The following C8orf33 variants were observed in gnomAD, a reference collection of about 807,000 sequenced individuals.
The protein encoded by C8orf33 is UPF0488 protein C8orf33.
Under a neutral mutation model 25.7 loss-of-function variants are expected in C8orf33, and 28 were observed. The ratio of observed to expected loss-of-function variants is 1.09; its 90% CI spans 0.81 to 1.49. The LOEUF (loss-of-function observed/expected upper bound fraction) is 1.49. Ranked by LOEUF, C8orf33 falls within the 40% of genes most tolerant of loss-of-function variation. The probability of loss-of-function intolerance (pLI) is 0.00; values close to 1 mark genes in which losing one functional copy is unlikely to be tolerated. For synonymous variants in C8orf33, 153 were observed against 115.9 expected (o/e 1.32, Z -2.06); for missense variants, 369 against 294.4 (o/e 1.25, Z -1.85).
At chr8:145,052,535 T>A (rs372741321) in intron 1 of C8orf33, 38 bp downstream of exon 1, 1 of 1,600,720 alleles carries the variant, frequency 6.2e-7, no homozygotes, top group Non-Finnish European at 8.5e-7. Context: ...TGGCTGGGCC[T>A]TGCATTGTTG....
rs772217850 is a variant in C8orf33 at position 145,052,639 on chromosome 8, C to T, written c.60C>T (p.Pro20=). The T allele has an allele frequency of 6.2e-7, 1 of 1,612,146 alleles. No homozygotes were observed. Among genetic ancestry groups the T allele is most frequent in the Non-Finnish European group, 8.5e-7 (1 of 1,179,954 alleles). ...CGGCGGCCCCAGGCCCGGGTACTCC[C>T]TGCGCGTCCCGCGGAGCCCGGCTTC... ...EAAAAPGPGT[P]CASRGARLPG... is the part of the protein sequence containing the mutation. The change falls in exon 2 of 5, where the codon CCC becomes CCT. Residue 20 remains proline, a synonymous_variant. Coordinates refer to ENST00000331434, the MANE Select transcript of C8orf33 (RefSeq NM_023080.3).
At position 145,055,572 on chromosome 8, in the gene C8orf33, G is replaced by C. The variant is rs1363584541; in HGVS notation, c.*1415G>C. On this transcript the variant is annotated 3_prime_UTR_variant, in exon 5 of 5. Coordinates refer to ENST00000331434, the MANE Select transcript of C8orf33 (RefSeq NM_023080.3). ...AAAAGGAGCCTCCCTTTCCCCGGGG[G>C]AGTTTAGAGAAGACTACTCCTCCAC... 6.2e-6 allele frequency: 1 copy of C among 162,538 alleles called. No homozygotes were observed. Among genetic ancestry groups the C allele is most frequent in the African/African-American group, 2.4e-5 (1 of 40,994 alleles). The allele number at this position is 162,538 out of a possible 1,614,324, so 10.1% of individuals were successfully genotyped here.
At chr8:145,052,999 A>T (rs963699263) in intron 2 of C8orf33, 63 bp from the exon 3 acceptor site, 9 of 1,609,920 alleles carry the variant, frequency 5.6e-6, no homozygotes, top group Admixed American at 3.4e-5. Context: ...GGGGCATGGG[A>T]TGGGGCCGGC....
At position 145,054,705 on chromosome 8, in the gene C8orf33, T is replaced by TA. The variant is rs1835333068; in HGVS notation, c.*549dup. 6.5e-6 allele frequency: 1 copy of TA among 152,872 alleles called. No homozygotes were observed. The allele number at this position is 152,872 out of a possible 1,614,324, so 9.5% of individuals were successfully genotyped here. Reference sequence around the variant, plus strand: ...TCCCTGGGTCCAGTCCCTCACCTGGTACCTTTGTGCATGTTGCCTTCATTC... The same window carrying TA: ...TCCCTGGGTCCAGTCCCTCACCTGGTAACCTTTGTGCATGTTGCCTTCATTC... On this transcript the variant is annotated 3_prime_UTR_variant, in exon 5 of 5. Transcript: ENST00000331434.
Position 145,054,041 on chromosome 8 carries a change from C to T in C8orf33, c.574C>T (p.Pro192Ser), listed in dbSNP as rs1439335222. 3 of 1,614,006 alleles carry T rather than the reference C, an allele frequency of 1.9e-6. No individual in the cohort carries two copies. The highest frequency in any genetic ancestry group is 1.6e-4 in the Middle Eastern group (1 of 6,084). The change falls in exon 5 of 5, where the codon CCT becomes TCT. Residue 192 changes from proline (P) to serine (S), a missense_variant. Physicochemically the swap from Pro to Ser is moderately conservative, Grantham distance 74. Transcript: ENST00000331434. Reference sequence around the variant, plus strand: ...AGCTGCTTATTCAGCCCAGGTGCAACCTGTAGATGGAGCCACCAGAAAGAA... The same window carrying T: ...AGCTGCTTATTCAGCCCAGGTGCAATCTGTAGATGGAGCCACCAGAAAGAA... ...RAAAYSAQVQ[P>S]VDGATRKKSQ...
In C8orf33 at chr8:145,054,185, C is replaced by G. The variant is rs199770781; in HGVS notation, c.*28C>G. On this transcript the variant is annotated 3_prime_UTR_variant, in exon 5 of 5. Transcript: ENST00000331434. Reference sequence around the variant, plus strand: ...TCTCCCCGAACCTGAAACAATCCCCCTCCCTTGGGGTGGTGTAGGGGTTTG... The same window carrying G: ...TCTCCCCGAACCTGAAACAATCCCCGTCCCTTGGGGTGGTGTAGGGGTTTG... 2.6e-4 allele frequency: 412 copies of G among 1,612,330 alleles called. 1 individual carries two copies. The highest frequency in any genetic ancestry group is 2.4e-3 in the African/African-American group (179 of 74,976).
chr8:145,052,540 T>C lies in C8orf33; in HGVS notation c.6+43T>C, dbSNP rs1487251371. ...GACGCGCGGGTGGCTGGGCCTTGCA[T>C]TGTTGGCGGCTCTCGGTGACCCTCG... is the stretch of plus-strand genomic sequence containing the variant. On this transcript the variant is annotated intron_variant, in intron 1 of 4. Coordinates refer to ENST00000331434, the MANE Select transcript of C8orf33 (RefSeq NM_023080.3). 5 of 1,600,902 alleles carry C rather than the reference T, an allele frequency of 3.1e-6. No homozygotes were observed. In the South Asian group the frequency reaches 4.4e-5, roughly 14 times the overall value.
At position 145,054,763 on chromosome 8, in the gene C8orf33, G is replaced by A. The variant is rs1319107333; in HGVS notation, c.*606G>A. ...GGTATCATCCTCAGGGAACCAGCAT[G>A]GCACCTACCAGGCCAGGCTCTGTTC... On this transcript the variant is annotated 3_prime_UTR_variant, in exon 5 of 5. Coordinates refer to ENST00000331434, the MANE Select transcript of C8orf33 (RefSeq NM_023080.3). The A allele has an allele frequency of 6.6e-6, 1 of 152,362 alleles. No individual in the cohort carries two copies. The highest frequency in any genetic ancestry group is 1.5e-5 in the Non-Finnish European group (1 of 68,210). 9.4% of individuals were successfully genotyped at this position (152,362 alleles called of 1,614,324 possible). A position where few individuals can be genotyped will look rare whatever the true frequency, so the allele number is the denominator to read the frequency against.
rs746484373 is a variant in C8orf33 at position 145,053,155 on chromosome 8, C to T, written c.403+9C>T. 22 of 1,614,024 alleles carry T rather than the reference C, an allele frequency of 1.4e-5. No individual in the cohort carries two copies. The highest frequency in any genetic ancestry group is 6.8e-6 in the Non-Finnish European group (8 of 1,179,998). ...ACCCACCCCGAAACAGAGTAAGGGACCCTTCTGTAGAGCTGGGGGATGTGA... is the reference window on the plus strand; with the variant it reads ...ACCCACCCCGAAACAGAGTAAGGGATCCTTCTGTAGAGCTGGGGGATGTGA... On this transcript the variant is annotated intron_variant, in intron 3 of 4. Coordinates refer to ENST00000331434, the MANE Select transcript of C8orf33 (RefSeq NM_023080.3).
chr8:145,053,302 C>T lies in C8orf33; in HGVS notation c.409C>T (p.Gln137Ter). 3 of 1,613,968 alleles carry T rather than the reference C, an allele frequency of 1.9e-6. No homozygotes were observed. Among genetic ancestry groups the T allele is most frequent in the Non-Finnish European group, 2.5e-6 (3 of 1,179,914 alleles). Residue 137 changes from glutamine to a stop codon, truncating the protein, a stop_gained, in exon 4 of 5, where the codon CAG (glutamine) becomes TAG (stop). Transcript: ENST00000331434. LOFTEE classifies it high-confidence loss of function. ...TCCTTTATTTTTATTCGCAGAAGAG[C>T]AGGCTATTGGAGCAATCCGAACCCT... ...RQKPTPKQKEQAIGAIRTLRS... is the reference protein window; with the variant it reads ...RQKPTPKQKE
chr8:145,053,446 G>T lies in C8orf33; in HGVS notation c.550+3G>T. ...GGCCCTGCGGGCTCTCAGAGCTGGT[G>T]AGGAGCTAGCCACTGGTTGATTCAG... On this transcript the variant is annotated splice_donor_region_variant and intron_variant, in intron 4 of 4. Transcript: ENST00000331434. The T allele has an allele frequency of 6.2e-7, 1 of 1,613,956 alleles. No homozygotes were observed. Among genetic ancestry groups the T allele is most frequent in the Non-Finnish European group, 8.5e-7 (1 of 1,179,942 alleles).
rs201350395 is a variant in C8orf33 at position 145,052,575 on chromosome 8, C to T, written c.7-11C>T. 9 of 1,603,012 alleles carry T rather than the reference C, an allele frequency of 5.6e-6. No individual in the cohort carries two copies. Among genetic ancestry groups the T allele is most frequent in the Admixed American group, 1.7e-5 (1 of 59,934 alleles). On this transcript the variant is annotated splice_polypyrimidine_tract_variant and intron_variant, in intron 1 of 4. Coordinates refer to ENST00000331434, the MANE Select transcript of C8orf33 (RefSeq NM_023080.3). ...CTCTCGGTGACCCTCGTGCTACCCCCCTTTCTCCAGGCCCTGGGACATCTT... is the reference window on the plus strand; with the variant it reads ...CTCTCGGTGACCCTCGTGCTACCCCTCTTTCTCCAGGCCCTGGGACATCTT...
chr8:145,052,543 T>G, intron 1 of C8orf33, 43 bp from the exon 2 acceptor site: 1 of 1,600,894 alleles, frequency 6.2e-7, no homozygotes, highest in South Asian at 1.1e-5. Context: ...CCTTGCATTG[T>G]TGGCGGCTCT....
rs1264036313 is a variant in C8orf33, at chr8:145,054,378, G to C, written c.*221G>C. 10 of 485,672 alleles carry C rather than the reference G, an allele frequency of 2.1e-5. No homozygotes were observed. The highest frequency in any genetic ancestry group is 3.3e-5 in the Non-Finnish European group (9 of 273,292). The allele number at this position is 485,672 out of a possible 1,614,324, so 30.1% of individuals were successfully genotyped here. ...AATGTTCTCTCTTTCAGAAGAGAGA[G>C]AGAGGTGCATTTAGAAAATATGCAA... On this transcript the variant is annotated 3_prime_UTR_variant, in exon 5 of 5. Transcript: ENST00000331434.
rs1012311283 is a variant in C8orf33, at chr8:145,054,350, T to C, written c.*193T>C. On this transcript the variant is annotated 3_prime_UTR_variant, in exon 5 of 5. Coordinates refer to ENST00000331434, the MANE Select transcript of C8orf33 (RefSeq NM_023080.3). ...GCAAAAGACCCCGTTCGTTTTCTGATGAAATGTTCTCTCTTTCAGAAGAGA... is the reference window on the plus strand; with the variant it reads ...GCAAAAGACCCCGTTCGTTTTCTGACGAAATGTTCTCTCTTTCAGAAGAGA... The C allele has an allele frequency of 9.4e-6, 5 of 529,366 alleles. No individual in the cohort carries two copies. The African/African-American group carries it at 9.6e-5, about 10-fold the overall frequency. 32.8% of individuals were successfully genotyped at this position (529,366 alleles called of 1,614,324 possible).
Position 145,052,647 on chromosome 8 carries a change from C to G in C8orf33, c.68C>G (p.Ser23Cys), listed in dbSNP as rs760982820. 1 of 1,612,692 alleles carries G rather than the reference C, an allele frequency of 6.2e-7. No individual in the cohort carries two copies. The highest frequency in any genetic ancestry group is 1.3e-5 in the African/African-American group (1 of 75,042). Residue 23 changes from serine to cysteine, a missense_variant, in exon 2 of 5, where the codon TCC (serine) becomes TGC (cysteine). Coordinates refer to ENST00000331434, the MANE Select transcript of C8orf33 (RefSeq NM_023080.3). ...AAPGPGTPCA[S>C]RGARLPGPVS... ...CCAGGCCCGGGTACTCCCTGCGCGTCCCGCGGAGCCCGGCTTCCCGGCCCA... is the reference window on the plus strand; with the variant it reads ...CCAGGCCCGGGTACTCCCTGCGCGTGCCGCGGAGCCCGGCTTCCCGGCCCA...
At chr8:145,053,494 G>C (rs758240501) in intron 4 of C8orf33, 51 bp downstream of exon 4, 55 of 1,593,848 alleles carry the variant, frequency 3.5e-5, no homozygotes, top group Non-Finnish European at 4.6e-5. Flanking sequence ...TAAGGAGGAA[G>C]TGTCTAGGGG....
chr8:145,053,802 C>A, intron 4 of C8orf33: 1 of 627,842 alleles, frequency 1.6e-6, no homozygotes, highest in South Asian at 2.0e-5. Context: ...CAGCTAGGTT[C>A]AAATCCTGGA....
rs771862392 is a variant in C8orf33 at position 145,055,543 on chromosome 8, T to C, written c.*1386T>C. 14 of 170,444 alleles carry C rather than the reference T, an allele frequency of 8.2e-5. No homozygotes were observed. The highest frequency in any genetic ancestry group is 2.8e-4 in the South Asian group (2 of 7,110). The allele number at this position is 170,444 out of a possible 1,614,324, so 10.6% of individuals were successfully genotyped here. A position where few individuals can be genotyped will look rare whatever the true frequency, so the allele number is the denominator to read the frequency against. ...GAAAAACACCCACTACTTAGCAGAC[T>C]GGGAAAAGGAGCCTCCCTTTCCCCG... On this transcript the variant is annotated 3_prime_UTR_variant, in exon 5 of 5. Transcript: ENST00000331434.
Sources: allele counts gnomAD v4.1 joint callset, GRCh38; gene constraint gnomAD v4.1.1; transcripts MANE v1.5; gene names NCBI Gene and HGNC (gene_info 2026-07-23, HGNC 2026-07-21).